MGAT5: variants seen among roughly 807,000 people sequenced by gnomAD.
MGAT5 encodes the protein alpha-1,6-mannosylglycoprotein 6-beta-N-acetylglucosaminyltransferase.
A neutral mutation model predicts 94.3 loss-of-function variants in MGAT5; 30 were observed. That is an observed-to-expected ratio of 0.32 (90% CI 0.24 to 0.43). The LOEUF is 0.43. MGAT5 is among the 20% of genes least tolerant of loss of function. MGAT5 has a pLI of 1.00. For missense variants in MGAT5, 691 were observed against 905.5 expected, an observed-to-expected ratio of 0.76 and a Z score of 3.04; for synonymous variants, 310 against 322.9, an observed-to-expected ratio of 0.96 and a Z score of 0.43.
rs1679263207 is a variant in MGAT5, at chr2:134,349,949, C to T, written c.1246+11C>T. ...TTTATACCATGTTCCGTGAGTATTC[C>T]TGTTTCATGTATGCTTTCCAGAATG... is the stretch of plus-strand genomic sequence containing the variant. On this transcript the variant is annotated intron_variant, in intron 9 of 15. Coordinates refer to ENST00000281923, the MANE Select transcript of MGAT5 (RefSeq NM_002410.5). The T allele has an allele frequency of 1.2e-6, 2 of 1,612,998 alleles. No individual in the cohort carries two copies. The highest frequency in any genetic ancestry group is 4.5e-5 in the East Asian group (2 of 44,842).
chr2:134,334,103 C>A (rs1265034075), intron 4 of MGAT5, among the ~76,000 whole-genome samples: 1 of 152,074 alleles, frequency 6.6e-6, no homozygotes, highest in Admixed American at 6.6e-5. Context: ...TGGATTGACT[C>A]TATATTTTAT....
rs544695093 is a variant in MGAT5 at position 134,400,632 on chromosome 2, C to T, written c.1381-2356C>T. Reference sequence around the variant, plus strand: ...GGAACCCTAATCTTGAGTCTGTCTACAGTGGATATTTTTCTCCAGGACAGG... The same window carrying T: ...GGAACCCTAATCTTGAGTCTGTCTATAGTGGATATTTTTCTCCAGGACAGG... On this transcript the variant is annotated intron_variant, in intron 10 of 15. Coordinates refer to ENST00000281923, the MANE Select transcript of MGAT5 (RefSeq NM_002410.5). Among the ~76,000 whole-genome samples the T allele has an allele frequency of 9.2e-5, 14 of 152,264 alleles. No individual in the cohort carries two copies. In the South Asian group the frequency reaches 1.9e-3, roughly 20 times the overall value.
intron 1 of MGAT5, among the ~76,000 whole-genome samples, chr2:134,189,159 A>G (rs1689190919): frequency 6.6e-6 from 1 of 152,112 alleles, no homozygotes. Flanking sequence ...ATTGAGTACA[A>G]CCACATGGCC....
At chr2:134,197,404 GGTCGGTTGAGACAT>G (rs1256075259) in intron 1 of MGAT5, among the ~76,000 whole-genome samples, 2 of 152,194 alleles carry the variant, frequency 1.3e-5, no homozygotes, top group Non-Finnish European at 2.9e-5. Flanking sequence ...CAATTCAAAA[GGTCGGTTGAGACAT>G]TGAGTGACTG....
intron 1 of MGAT5, among the ~76,000 whole-genome samples, chr2:134,221,245 T>G (rs567971543): frequency 6.6e-6 from 1 of 152,282 alleles, no homozygotes; most frequent in South Asian, 2.1e-4. Context: ...GAGACATCAA[T>G]CAAATACATT....
At chr2:134,198,809 T>C (rs964190971) in intron 1 of MGAT5, among the ~76,000 whole-genome samples, 1 of 152,230 alleles carries the variant, frequency 6.6e-6, no homozygotes, top group African/African-American at 2.4e-5. Flanking sequence ...CTTATAACTT[T>C]TGGTAACTGC....
At chr2:134,248,970 GGGCCAGGAGCCTTCTGAAGCCAGGCTCCT>G (rs1325062551) in intron 1 of MGAT5, among the ~76,000 whole-genome samples, 3 of 152,038 alleles carry the variant, frequency 2.0e-5, no homozygotes, top group Non-Finnish European at 4.4e-5. Flanking sequence ...CAGACAAGGT[GGGCCAGGAGCCTTCTGAAGCCAGGCTCCT>G]GGCCAGGAGC....
At chr2:134,372,154 T>G (rs552791840) in intron 10 of MGAT5, among the ~76,000 whole-genome samples, 3 of 152,292 alleles carry the variant, frequency 2.0e-5, no homozygotes, top group African/African-American at 7.2e-5. Context: ...CAGAAAAACC[T>G]TAATCTCTTC....
intron 2 of MGAT5, among the ~76,000 whole-genome samples, chr2:134,302,716 C>CTGTGTGTGTGTGTGTG (rs3034344): frequency 4.5e-5 from 6 of 133,696 alleles, no homozygotes; most frequent in East Asian, 2.4e-4. Flanking sequence ...TTAAGAAATG[C>CTGTGTGTGTGTGTGTG]TGTGTGTGTG....
intron 1 of MGAT5, among the ~76,000 whole-genome samples, chr2:134,141,464 ATGGGTAAGTGGATGGATAGATGGG>A (rs1156830096): frequency 1.7e-5 from 2 of 119,774 alleles, no homozygotes; most frequent in Admixed American, 2.2e-4. Context: ...GGATAGTTGG[ATGGGTAAGTGGATGGATAGATGGG>A]TGGGTGGATG....
intron 5 of MGAT5, among the ~76,000 whole-genome samples, chr2:134,336,897 A>G (rs1484861551): frequency 6.6e-6 from 1 of 152,146 alleles, no homozygotes; most frequent in Non-Finnish European, 1.5e-5. Context: ...TGCCACATTA[A>G]AAGCTTAAGT....
intron 4 of MGAT5, 101 bp from the exon 5 acceptor site, chr2:134,336,116 T>G: frequency 1.1e-6 from 1 of 871,570 alleles, no homozygotes. Flanking sequence ...CACATATTAA[T>G]ATAGTGCTAG....
intron 10 of MGAT5, among the ~76,000 whole-genome samples, chr2:134,381,598 A>G (rs1681638641): frequency 6.6e-6 from 1 of 151,236 alleles, no homozygotes; most frequent in Non-Finnish European, 1.5e-5. Flanking sequence ...TGTCTCTAAA[A>G]TAGATAGACA....
intron 1 of MGAT5, among the ~76,000 whole-genome samples, chr2:134,171,852 T>G (rs1425142108): frequency 1.3e-5 from 2 of 152,168 alleles, no homozygotes; most frequent in Non-Finnish European, 1.5e-5. Flanking sequence ...TATTTGCTCT[T>G]GTCGGGGAGA....
intron 1 of MGAT5, among the ~76,000 whole-genome samples, chr2:134,212,754 T>C (rs73958167): frequency 0.09 from 13,657 of 152,192 alleles, 1,636 homozygotes; most frequent in African/African-American, 0.27. Context: ...GATTTCCCCA[T>C]ACTTTCAGTC....
chr2:134,380,740 G>A (rs968609392), intron 10 of MGAT5, among the ~76,000 whole-genome samples: 5 of 151,994 alleles, frequency 3.3e-5, no homozygotes, highest in Admixed American at 6.6e-5. Context: ...TCTTATTTCT[G>A]CCCACCCAAG....
Position 134,129,677 on chromosome 2 carries a change from C to CT in MGAT5, c.-143+9401dup, listed in dbSNP as rs58781832. On this transcript the variant is annotated intron_variant, in intron 1 of 16. Transcript: ENST00000409645. ...CTAAGGCCAGATGTTGAGCTGAGTACTTTTTTTTTTTTTTTACTTTTTTTA... is the reference window on the plus strand; with the variant it reads ...CTAAGGCCAGATGTTGAGCTGAGTACTTTTTTTTTTTTTTTTACTTTTTTTA... 3.1e-3 allele frequency among the ~76,000 whole-genome samples: 454 copies of CT among 145,486 alleles called. 1 individual carries two copies. Among genetic ancestry groups the CT allele is most frequent in the South Asian group, 8.1e-3 (37 of 4,580 alleles).
intron 1 of MGAT5, among the ~76,000 whole-genome samples, chr2:134,264,711 C>G (rs1030276704): frequency 6.6e-6 from 1 of 152,118 alleles, no homozygotes; most frequent in Non-Finnish European, 1.5e-5. Flanking sequence ...ACTTGACATT[C>G]CTGACAGTCA....
chr2:134,189,607 T>TTTTTTTTTTTTTTTTTTTTTG (rs1553490420), intron 1 of MGAT5, among the ~76,000 whole-genome samples: 7 of 80,666 alleles, frequency 8.7e-5, no homozygotes, highest in African/African-American at 1.1e-4. Flanking sequence ...TTTTTGTTTT[T>TTTTTTTTTTTTTTTTTTTTTG]TTTTTTTTTT....
Sources: gnomAD v4.1 joint callset for allele counts (sites outside exome capture counted in the v4.1 genomes callset) on GRCh38, gnomAD v4.1.1 for gene constraint, MANE v1.5 for transcripts, NCBI Gene and HGNC (gene_info 2026-07-23, HGNC 2026-07-21) for gene names.